HLA-C: variants seen among roughly 807,000 people sequenced by gnomAD.
HLA-C encodes the protein major histocompatibility complex, class I, C, also known as HLA class I histocompatibility antigen, C alpha chain.
A neutral mutation model predicts 36.9 loss-of-function variants in HLA-C; 15 were observed. That is an observed-to-expected ratio of 0.41 (90% CI 0.27 to 0.63). The LOEUF (loss-of-function observed/expected upper bound fraction) is 0.63, where lower values mean the gene tolerates loss of function less well. Ranked by LOEUF, HLA-C falls within the 20% of genes least tolerant of loss-of-function variation. The pLI is 0.35. For missense variants in HLA-C, 272 were observed against 400.4 expected, an observed-to-expected ratio of 0.68 and a Z score of 2.74; for synonymous variants, 104 against 174.3, an observed-to-expected ratio of 0.60 and a Z score of 3.18.
exon 2 of HLA-C, chr6:31,271,830 G>A (rs41542423): frequency 0.026 from 32,331 of 1,263,518 alleles, 2,969 homozygotes; most frequent in Admixed American, 0.087. Context: ...CGGCCGGGCC[G>A]GGACACGGCG....
In HLA-C at chr6:31,271,723, CG is replaced by C. The variant is rs1761387244; in HGVS notation, c.218del (p.Ala73GlyfsTer28). 6.6e-7 allele frequency: 1 copy of C among 1,507,706 alleles called. No homozygotes were observed. Among genetic ancestry groups the C allele is most frequent in the Non-Finnish European group, 8.9e-7 (1 of 1,119,852 alleles). The allele number at this position is 1,507,706 out of a possible 1,614,324, so 93.4% of individuals were successfully genotyped here. A position where few individuals can be genotyped will look rare whatever the true frequency, so the allele number is the denominator to read the frequency against. On this transcript the variant is annotated frameshift_variant, in exon 2 of 8. Transcript: ENST00000376228. LOFTEE classifies it high-confidence loss of function. ...CCGGCCCCTCCTGCTCCACCCACGGCGCCCGCGGCTCCCCTCTCGGACTCGC... is the reference window on the plus strand; with the variant it reads ...CCGGCCCCTCCTGCTCCACCCACGGCCCCGCGGCTCCCCTCTCGGACTCGC...
chr6:31,270,896 CT>C lies in HLA-C; in HGVS notation c.619+176del, dbSNP rs1393288947. On this transcript the variant is annotated intron_variant, in intron 3 of 7. Coordinates refer to ENST00000376228, the Ensembl canonical transcript of HLA-C. ...CTCCATTTCCTCAGAGACTTCATCCCTTAATTGTCCTAGAGAGCAGAGGGGG... is the reference window on the plus strand; with the variant it reads ...CTCCATTTCCTCAGAGACTTCATCCCTAATTGTCCTAGAGAGCAGAGGGGG... Among the ~76,000 whole-genome samples the C allele has an allele frequency of 4.6e-5, 3 of 65,784 alleles. 1 individual carries two copies. Among genetic ancestry groups the C allele is most frequent in the Non-Finnish European group, 8.3e-5 (3 of 36,014 alleles). The allele number at this position is 65,784 out of a possible 152,430, so 43.2% of individuals were successfully genotyped here. A position where few individuals can be genotyped will look rare whatever the true frequency, so the allele number is the denominator to read the frequency against.
chr6:31,269,171 A>C, exon 8 of HLA-C: 3 of 1,493,560 alleles, frequency 2.0e-6, no homozygotes, highest in Non-Finnish European at 2.7e-6. Context: ...CAGCTGTCTC[A>C]GGCTACAGAA....
At chr6:31,270,011 G>C in exon 5 of HLA-C, 1 of 834,288 alleles carries the variant, frequency 1.2e-6, no homozygotes, top group Non-Finnish European at 1.5e-6. Flanking sequence ...ACAGCTCCAA[G>C]GACAGCTAGG....
intron 5 of HLA-C, 104 bp from the exon 6 acceptor site, chr6:31,269,629 G>T (rs9264602): frequency 2.3e-6 from 1 of 441,716 alleles, no homozygotes; most frequent in Non-Finnish European, 3.3e-6. Context: ...CCAGAACTAC[G>T]ACTGCAGACC....
chr6:31,269,147 CA>C, exon 8 of HLA-C: 1 of 1,497,236 alleles, frequency 6.7e-7, no homozygotes, highest in South Asian at 1.1e-5. Context: ...TCCTGCATCT[CA>C]GTCCCACACA....
At chr6:31,271,921 C>T (rs757353499) in intron 1 of HLA-C, 53 bp from the exon 2 acceptor site, 2 of 1,164,606 alleles carry the variant, frequency 1.7e-6, no homozygotes, top group South Asian at 1.4e-5. Context: ...TGCGCGGCTC[C>T]CCGGGTCCTG....
Position 31,271,599 on chromosome 6 carries a change from C to T in HLA-C, c.343G>A (p.Gly115Arg), listed in dbSNP as rs1131122. 3.1e-3 allele frequency: 3,820 copies of T among 1,224,314 alleles called. 104 individuals carry two copies. The highest frequency in any genetic ancestry group is 9.7e-3 in the East Asian group (291 of 29,858). The allele number at this position is 1,224,314 out of a possible 1,614,324, so 75.8% of individuals were successfully genotyped here. Residue 115 changes from glycine (G) to arginine (R), a missense_variant and splice_region_variant, in exon 2 of 8, where the codon GGG becomes AGG. Gly to Arg is a moderately radical substitution (Grantham distance 125). Around this residue, in one of 8 missense-constraint regions of HLA-C, gnomAD observed 72 missense variants for 53.4 expected, o/e 1.35. Transcript: ENST00000376228. ...TGCGCCCCGGGCCGGGGTCACTCAC[C>T]GTCCTCGCTCTGGTTGTAGTAGCCG... is the stretch of plus-strand genomic sequence containing the variant.
chr6:31,271,441 G>A lies in HLA-C; in HGVS notation c.344-93C>T. The A allele has an allele frequency of 5.0e-6, 4 of 797,012 alleles. 2 individuals carry two copies. The highest frequency in any genetic ancestry group is 6.6e-6 in the Non-Finnish European group (4 of 608,170). 49.4% of individuals were successfully genotyped at this position (797,012 alleles called of 1,614,324 possible). ...TTTGGCCTAAACCGAAAATGAAACC[G>A]GGTAAAGGCGACTGGGGCTCTCTCC... On this transcript the variant is annotated intron_variant, in intron 2 of 7. Transcript: ENST00000376228.
exon 2 of HLA-C, chr6:31,271,767 G>T (rs281860356): frequency 5.0e-5 from 72 of 1,426,256 alleles, no homozygotes; most frequent in Admixed American, 3.2e-4. Context: ...CTGTCGAACC[G>T]CACGAACTGC....
At chr6:31,269,121 G>T in exon 8 of HLA-C, 2 of 1,393,604 alleles carry the variant, frequency 1.4e-6, no homozygotes, top group South Asian at 1.1e-5. Flanking sequence ...AGTCACAAAG[G>T]AGAGGTGTGA....
At chr6:31,269,120 G>C in exon 8 of HLA-C, 1 of 1,389,318 alleles carries the variant, frequency 7.2e-7, no homozygotes, top group African/African-American at 1.6e-5. Flanking sequence ...AAGTCACAAA[G>C]GAGAGGTGTG....
At chr6:31,271,694 T>C (rs281860388) in exon 2 of HLA-C, 1 of 1,497,938 alleles carries the variant, frequency 6.7e-7, no homozygotes. Context: ...CCGGTCCCAA[T>C]ACTCCGGCCC....
chr6:31,270,174 C>T lies in HLA-C; in HGVS notation c.895+36G>A, dbSNP rs767135148. Reference sequence around the variant, plus strand: ...GGCTCCAGAAGGACTTCTGCTTTCTCTGATAAGAGATGTGACCCCCCATTC... The same window carrying T: ...GGCTCCAGAAGGACTTCTGCTTTCTTTGATAAGAGATGTGACCCCCCATTC... On this transcript the variant is annotated intron_variant, in intron 4 of 7. Transcript: ENST00000376228. The T allele has an allele frequency of 1.2e-5, 10 of 829,706 alleles. 3 individuals carry two copies. The highest frequency in any genetic ancestry group is 1.2e-5 in the Non-Finnish European group (8 of 658,156). The allele number at this position is 829,706 out of a possible 1,614,324, so 51.4% of individuals were successfully genotyped here.
chr6:31,271,724 G>T (rs1050409), exon 2 of HLA-C: 85,691 of 1,388,764 alleles, frequency 0.062, 9,180 homozygotes, highest in Admixed American at 0.13. Flanking sequence ...CACCCACGGC[G>T]CCCGCGGCTC....
chr6:31,269,102 G>A (rs555741820), exon 8 of HLA-C: 3 of 1,102,634 alleles, frequency 2.7e-6, no homozygotes, highest in Admixed American at 1.8e-5. Context: ...AGATGCCAGA[G>A]GCTCTTGAAG....
chr6:31,271,282 T>A (rs41555122), exon 3 of HLA-C: 1 of 1,181,582 alleles, frequency 8.5e-7, no homozygotes, highest in Non-Finnish European at 1.1e-6. Flanking sequence ...GGACTGGTCA[T>A]ACCCGCGGAG....
exon 4 of HLA-C, chr6:31,270,211 C>G (rs281860573): frequency 2.4e-6 from 2 of 838,364 alleles, no homozygotes; most frequent in Non-Finnish European, 3.0e-6. Context: ...CCTCCTTACC[C>G]CAGCTCAGGG....
chr6:31,270,675 G>C (rs1335140813), intron 3 of HLA-C, 190 bp from the exon 4 acceptor site: 2 of 437,366 alleles, frequency 4.6e-6, no homozygotes, highest in Admixed American at 6.7e-5. Context: ...GTCTCTGAGG[G>C]AGGAACAGCG....
Sources: gnomAD v4.1 joint callset for allele counts (sites outside exome capture counted in the v4.1 genomes callset) on GRCh38, gnomAD v4.1.1 for gene constraint, gnomAD v4.1.1 regional missense constraint, MANE v1.5 for transcripts, NCBI Gene and HGNC (gene_info 2026-07-23, HGNC 2026-07-21) for gene names.